Variants in CHST9 observed in about 807,000 individuals in gnomAD.
The protein encoded by CHST9 is carbohydrate sulfotransferase 9, also known as GalNAc-4-sulfotransferase 2.
Under a neutral mutation model 44.4 loss-of-function variants are expected in CHST9, and 41 were observed. The ratio of observed to expected loss-of-function variants is 0.92; its 90% confidence interval spans 0.72 to 1.20. The LOEUF (loss-of-function observed/expected upper bound fraction) is 1.20. CHST9 is among the 50% of genes most tolerant of loss of function. The pLI is 0.00. For synonymous variants in CHST9, 171 were observed against 178.4 expected, an observed-to-expected ratio of 0.96 and a Z score of 0.33; for missense variants, 504 against 516.5, an observed-to-expected ratio of 0.98 and a Z score of 0.23.
intron 4 of CHST9, among the ~76,000 whole-genome samples, chr18:27,009,447 T>C (rs980572279): frequency 4.6e-5 from 7 of 152,340 alleles, no homozygotes; most frequent in African/African-American, 1.7e-4. Flanking sequence ...CATGATCCTT[T>C]ACTAAAAAAA....
chr18:27,035,660 G>A (rs2057383526), intron 3 of CHST9, among the ~76,000 whole-genome samples: 1 of 152,084 alleles, frequency 6.6e-6, no homozygotes, highest in Non-Finnish European at 1.5e-5. Flanking sequence ...GACGTGGATG[G>A]ACTTGGAGGA....
At chr18:27,180,961 T>C (rs1320691586) in intron 1 of CHST9, among the ~76,000 whole-genome samples, 2 of 151,864 alleles carry the variant, frequency 1.3e-5, no homozygotes. Context: ...TTACAAAAAA[T>C]GAAAATGTTT....
At chr18:27,175,763 A>G (rs2058863441) in intron 1 of CHST9, among the ~76,000 whole-genome samples, 1 of 152,034 alleles carries the variant, frequency 6.6e-6, no homozygotes, top group African/African-American at 2.4e-5. Context: ...TCCTCTCTGA[A>G]GCAGGCGTTG....
intron 4 of CHST9, among the ~76,000 whole-genome samples, chr18:26,964,150 T>C (rs1485884929): frequency 6.6e-6 from 1 of 152,234 alleles, no homozygotes; most frequent in Non-Finnish European, 1.5e-5. Context: ...AACGTTCTAA[T>C]GCTTTATAAA....
At chr18:27,131,086 G>A (rs923336683) in intron 2 of CHST9, among the ~76,000 whole-genome samples, 1 of 152,176 alleles carries the variant, frequency 6.6e-6, no homozygotes, top group Non-Finnish European at 1.5e-5. Context: ...GAGTATCCTA[G>A]AGAATACTTT....
At chr18:27,177,390 A>G (rs2058876837) in intron 1 of CHST9, among the ~76,000 whole-genome samples, 1 of 151,892 alleles carries the variant, frequency 6.6e-6, no homozygotes, top group East Asian at 1.9e-4. Context: ...CTTACAGACT[A>G]TATTTGCTTA....
chr18:26,999,729 C>A (rs1275585339), intron 4 of CHST9, among the ~76,000 whole-genome samples: 1 of 151,854 alleles, frequency 6.6e-6, no homozygotes, highest in East Asian at 1.9e-4. Flanking sequence ...CAAATGAGGT[C>A]CAAATTACCT....
At chr18:27,046,709 T>G (rs773208577) in intron 3 of CHST9, among the ~76,000 whole-genome samples, 1 of 152,088 alleles carries the variant, frequency 6.6e-6, no homozygotes, top group Non-Finnish European at 1.5e-5. Context: ...TCTTGAAAAC[T>G]CAGACTATTG....
At chr18:27,147,532 T>A (rs774452662) in intron 1 of CHST9, among the ~76,000 whole-genome samples, 2 of 152,066 alleles carry the variant, frequency 1.3e-5, no homozygotes, top group African/African-American at 2.4e-5. Context: ...AGCTACACCA[T>A]CCTCTATCTC....
rs2055495655 is a variant in CHST9 at position 26,915,154 on chromosome 18, T to G, written c.*1105A>C. The G allele has an allele frequency of 2.5e-6, 1 of 392,330 alleles. No homozygotes were observed. Among genetic ancestry groups the G allele is most frequent in the Non-Finnish European group, 4.5e-6 (1 of 222,468 alleles). The allele number at this position is 392,330 out of a possible 1,614,324, so 24.3% of individuals were successfully genotyped here. ...TATTTAAACTTAAAAAGAAAATACC[T>G]TAATTTACTTATGCATAAGCCTATT... On this transcript the variant is annotated 3_prime_UTR_variant, in exon 6 of 6. Transcript: ENST00000618847.
chr18:27,148,180 A>G (rs1365486745), intron 1 of CHST9, among the ~76,000 whole-genome samples: 3 of 152,104 alleles, frequency 2.0e-5, no homozygotes, highest in African/African-American at 7.2e-5. Context: ...CCACGTTTCC[A>G]CAAAGGACAT....
chr18:27,116,634 G>A (rs942555133), intron 2 of CHST9, among the ~76,000 whole-genome samples: 8 of 152,166 alleles, frequency 5.3e-5, no homozygotes, highest in African/African-American at 1.7e-4. Flanking sequence ...GGCAAAAAAG[G>A]CAGCTGGGAT....
rs1185778987 is a variant in CHST9, at chr18:26,913,827, A to C, written c.*2432T>G. 1 of 152,246 alleles carries C rather than the reference A, an allele frequency of 6.6e-6. No individual in the cohort carries two copies. Among genetic ancestry groups the C allele is most frequent in the African/African-American group, 2.4e-5 (1 of 41,480 alleles). 9.4% of individuals were successfully genotyped at this position (152,246 alleles called of 1,614,324 possible). ...GCAAGGCCAAATAAGTCAGGAGAGA[A>C]AAATGGAGTTTGGCTTTAAACTCAC... On this transcript the variant is annotated 3_prime_UTR_variant, in exon 6 of 6. Transcript: ENST00000618847.
chr18:27,117,667 C>G lies in CHST9; in HGVS notation c.121+25022G>C, dbSNP rs555889989. 2.0e-5 allele frequency among the ~76,000 whole-genome samples: 3 copies of G among 152,200 alleles called. No homozygotes were observed. In the East Asian group the frequency reaches 5.8e-4, roughly 29 times the overall value. ...GTATGTAGCCTTTTCAGATTGGGTTCTTTCATTTACTAATATGCATTTTTA... is the reference window on the plus strand; with the variant it reads ...GTATGTAGCCTTTTCAGATTGGGTTGTTTCATTTACTAATATGCATTTTTA... On this transcript the variant is annotated intron_variant, in intron 2 of 5. Coordinates refer to ENST00000618847, the MANE Select transcript of CHST9 (RefSeq NM_031422.6).
chr18:26,955,790 A>G (rs2056314318), intron 4 of CHST9, among the ~76,000 whole-genome samples: 1 of 152,166 alleles, frequency 6.6e-6, no homozygotes, highest in Non-Finnish European at 1.5e-5. Context: ...TCAGGAAAGA[A>G]GGCAGGAGCT....
At chr18:27,112,359 G>A (rs2058278987) in intron 2 of CHST9, among the ~76,000 whole-genome samples, 1 of 151,172 alleles carries the variant, frequency 6.6e-6, no homozygotes, top group Non-Finnish European at 1.5e-5. Context: ...GGATGGGACC[G>A]CAGTCTAAAC....
rs1018548668 is a variant in CHST9 at position 26,964,867 on chromosome 18, G to T, written c.203-20501C>A. 3.9e-5 allele frequency among the ~76,000 whole-genome samples: 6 copies of T among 152,204 alleles called. 1 individual carries two copies. Among genetic ancestry groups the T allele is most frequent in the African/African-American group, 1.4e-4 (6 of 41,454 alleles). ...AGAAGAAGAGAGCATGAAGCAAACA[G>T]GATGAGGAAGAGGTGACATGAGGGA... is the stretch of plus-strand genomic sequence containing the variant. On this transcript the variant is annotated intron_variant, in intron 4 of 5. Transcript: ENST00000618847.
chr18:27,053,838 T>C (rs2057617828), intron 2 of CHST9, among the ~76,000 whole-genome samples: 1 of 152,168 alleles, frequency 6.6e-6, no homozygotes, highest in Admixed American at 6.5e-5. Flanking sequence ...ATCAAAACCC[T>C]ATTCAGCTTT....
At chr18:27,153,993 G>A (rs1225292115) in intron 1 of CHST9, among the ~76,000 whole-genome samples, 1 of 152,174 alleles carries the variant, frequency 6.6e-6, no homozygotes, top group Non-Finnish European at 1.5e-5. Flanking sequence ...GCACAGAGGA[G>A]GCTAAGCTGA....
Sources: gnomAD v4.1 joint callset for allele counts (sites outside exome capture counted in the v4.1 genomes callset) on GRCh38, gnomAD v4.1.1 for gene constraint, MANE v1.5 for transcripts, NCBI Gene and HGNC (gene_info 2026-07-23, HGNC 2026-07-21) for gene names.